MARCHF1: variants seen among roughly 807,000 people sequenced by gnomAD.
MARCHF1 encodes the protein membrane associated ring-CH-type finger 1, also known as E3 ubiquitin-protein ligase MARCHF1.
A neutral mutation model predicts 54.2 loss-of-function variants in MARCHF1; 40 were observed. The observed-to-expected ratio is 0.74, with a 90% CI of 0.57 to 0.96. The LOEUF (loss-of-function observed/expected upper bound fraction) is 0.96, where lower values mean the gene tolerates loss of function less well. Ranked by LOEUF, MARCHF1 falls within the 40% of genes least tolerant of loss-of-function variation. The pLI is 0.00. For synonymous variants in MARCHF1, 236 were observed against 236.3 expected, an observed-to-expected ratio of 1.00 and a Z score of 0.01; for missense variants, 586 against 656.5, an observed-to-expected ratio of 0.89 and a Z score of 1.17.
At chr4:164,188,437 C>A in intron 1 of MARCHF1, 1 of 609,764 alleles carries the variant, frequency 1.6e-6, no homozygotes. Context: ...AGGCGTGGTT[C>A]GAGGACAAGG....
intron 5 of MARCHF1, among the ~76,000 whole-genome samples, chr4:163,686,176 C>T (rs1744263662): frequency 6.6e-6 from 1 of 150,868 alleles, no homozygotes; most frequent in African/African-American, 2.4e-5. Flanking sequence ...AAGTTCTAAA[C>T]TCCAGAAATT....
intron 8 of MARCHF1, among the ~76,000 whole-genome samples, chr4:163,572,685 T>C (rs1233665362): frequency 6.6e-6 from 1 of 152,108 alleles, no homozygotes; most frequent in Admixed American, 6.6e-5. Context: ...AGAAGCACTG[T>C]TGTGTTATAG....
chr4:163,576,314 T>C (rs1740035568), intron 8 of MARCHF1, among the ~76,000 whole-genome samples: 1 of 152,090 alleles, frequency 6.6e-6, no homozygotes, highest in East Asian at 1.9e-4. Context: ...TCATTTAGGA[T>C]TAAGTTGTTT....
chr4:163,585,737 T>G lies in MARCHF1; in HGVS notation c.1191+12A>C. On this transcript the variant is annotated intron_variant, in intron 8 of 9. Coordinates refer to ENST00000514618, the MANE Select transcript of MARCHF1 (RefSeq NM_001394959.1). Reference sequence around the variant, plus strand: ...ATGGTCCCTCCCAAACCAATTCCTATGGATACTGTACCTTCCGGAGGGGTT... The same window carrying G: ...ATGGTCCCTCCCAAACCAATTCCTAGGGATACTGTACCTTCCGGAGGGGTT... 1 of 1,548,312 alleles carries G rather than the reference T, an allele frequency of 6.5e-7. No homozygotes were observed. The highest frequency in any genetic ancestry group is 8.7e-7 in the Non-Finnish European group (1 of 1,145,024).
intron 4 of MARCHF1, among the ~76,000 whole-genome samples, chr4:163,830,402 T>C (rs1202771302): frequency 6.6e-6 from 1 of 152,012 alleles, no homozygotes; most frequent in East Asian, 1.9e-4. Flanking sequence ...AGGAGGCAAC[T>C]CTCTACCTGA....
chr4:164,364,963 GA>G (rs1259847553), intron 1 of MARCHF1, among the ~76,000 whole-genome samples: 1 of 151,856 alleles, frequency 6.6e-6, no homozygotes, highest in East Asian at 1.9e-4. Context: ...CAATAAAACT[GA>G]AGATTCATAC....
chr4:164,137,730 A>G (rs1756432294), intron 1 of MARCHF1, among the ~76,000 whole-genome samples: 1 of 152,250 alleles, frequency 6.6e-6, no homozygotes, highest in Non-Finnish European at 1.5e-5. Flanking sequence ...AGTAAATTCC[A>G]GTATTATATC....
chr4:163,744,738 A>T (rs1048347131), intron 4 of MARCHF1, among the ~76,000 whole-genome samples: 1 of 152,214 alleles, frequency 6.6e-6, no homozygotes, highest in Non-Finnish European at 1.5e-5. Flanking sequence ...ATCCTTTTAC[A>T]TATGTGTGTT....
chr4:164,060,247 C>G (rs1579500640), intron 2 of MARCHF1, among the ~76,000 whole-genome samples: 1 of 152,002 alleles, frequency 6.6e-6, no homozygotes, highest in Admixed American at 6.6e-5. Context: ...AAGAATCCAG[C>G]TGAAGACTGG....
chr4:163,643,673 T>C (rs1273462693), intron 5 of MARCHF1, among the ~76,000 whole-genome samples: 2 of 152,176 alleles, frequency 1.3e-5, no homozygotes, highest in African/African-American at 4.8e-5. Context: ...AAAGTGAAAA[T>C]GGCTATTGTT....
intron 2 of MARCHF1, among the ~76,000 whole-genome samples, chr4:164,017,836 C>CAAAA (rs35073711): frequency 1.6e-3 from 221 of 138,072 alleles, no homozygotes; most frequent in African/African-American, 5.6e-3. Context: ...CCTAAATTAG[C>CAAAA]AAAAAAAAAA....
At chr4:164,375,340 A>G (rs574250661) in intron 1 of MARCHF1, among the ~76,000 whole-genome samples, 13 of 152,300 alleles carry the variant, frequency 8.5e-5, no homozygotes, top group African/African-American at 3.1e-4. Context: ...AAAAATATAT[A>G]AATTTTATAA....
chr4:164,109,912 T>TAAAAAAAAAAAAAAAAA (rs57433858), intron 2 of MARCHF1, among the ~76,000 whole-genome samples: 2 of 63,156 alleles, frequency 3.2e-5, no homozygotes, highest in African/African-American at 6.6e-5. Flanking sequence ...AAAATAAAAG[T>TAAAAAAAAAAAAAAAAA]AAAAAAAAAA....
chr4:163,531,114 A>C (rs1443839956), intron 9 of MARCHF1, among the ~76,000 whole-genome samples: 1 of 151,732 alleles, frequency 6.6e-6, no homozygotes, highest in Non-Finnish European at 1.5e-5. Context: ...AGAAGAGATA[A>C]TACTTCCTAA....
chr4:164,027,838 CA>C (rs1235327571), intron 2 of MARCHF1, among the ~76,000 whole-genome samples: 6 of 152,054 alleles, frequency 3.9e-5, no homozygotes, highest in Admixed American at 1.3e-4. Context: ...ACAAACTATG[CA>C]TCTGACAAAG....
At chr4:163,619,700 A>G (rs901553036) in intron 5 of MARCHF1, among the ~76,000 whole-genome samples, 1 of 152,078 alleles carries the variant, frequency 6.6e-6, no homozygotes, top group Non-Finnish European at 1.5e-5. Flanking sequence ...TTGACTGGTC[A>G]TTTGGAAGAA....
intron 2 of MARCHF1, among the ~76,000 whole-genome samples, chr4:164,054,679 C>CA (rs1226219973): frequency 6.8e-6 from 1 of 147,384 alleles, no homozygotes; most frequent in East Asian, 2.0e-4. Context: ...ATCGCAAGAA[C>CA]AAAAAACCAA....
intron 1 of MARCHF1, among the ~76,000 whole-genome samples, chr4:164,140,851 A>G (rs1756515267): frequency 6.6e-6 from 1 of 152,142 alleles, no homozygotes; most frequent in South Asian, 2.1e-4. Context: ...CACAAAGTAC[A>G]TCTCTAACTA....
chr4:163,787,064 T>G (rs1747642694), intron 4 of MARCHF1, among the ~76,000 whole-genome samples: 1 of 151,868 alleles, frequency 6.6e-6, no homozygotes, highest in Admixed American at 6.6e-5. Context: ...CCTTATACTA[T>G]ATACAAAAAT....
Sources: gnomAD v4.1 joint callset for allele counts (sites outside exome capture counted in the v4.1 genomes callset) on GRCh38, gnomAD v4.1.1 for gene constraint, MANE v1.5 for transcripts, NCBI Gene and HGNC (gene_info 2026-07-23, HGNC 2026-07-21) for gene names.